The following ZFYVE16 variants were observed in gnomAD, a reference collection of about 807,000 sequenced individuals.
The protein encoded by ZFYVE16 is zinc finger FYVE domain-containing protein 16.
A neutral mutation model predicts 138.1 loss-of-function variants in ZFYVE16; 89 were observed. That is an observed-to-expected ratio of 0.64 (90% CI 0.54 to 0.77). ZFYVE16 has a LOEUF of 0.77. ZFYVE16 is among the 30% of genes least tolerant of loss of function. The pLI, the probability that ZFYVE16 is intolerant of heterozygous loss-of-function variation, is 0.00. For missense variants in ZFYVE16, 1,793 were observed against 1,786.7 expected (o/e 1.00, Z -0.06); for synonymous variants, 596 against 618.3 (o/e 0.96, Z 0.53).
intron 2 of ZFYVE16, among the ~76,000 whole-genome samples, chr5:80,428,488 A>T (rs1055419921): frequency 2.0e-5 from 3 of 152,218 alleles, no homozygotes; most frequent in Non-Finnish European, 4.4e-5. Flanking sequence ...AAGGTAGATA[A>T]AACCACAAAG....
At position 80,438,003 on chromosome 5, in the gene ZFYVE16, A is replaced by G. The variant is rs1447513791; in HGVS notation, c.1318A>G (p.Lys440Glu). ...ENDLLKQEKC[K>E]SILLQSLIEG... ...TGATCTTTTGAAACAGGAAAAATGT[A>G]AAAGCATACTCCTTCAGTCATTAAT... Residue 440 changes from lysine to glutamate, a missense_variant, in exon 4 of 19, where the codon AAA (lysine) becomes GAA (glutamate). Transcript: ENST00000505560. The G allele has an allele frequency of 5.6e-6, 9 of 1,613,970 alleles. No individual in the cohort carries two copies. Among genetic ancestry groups the G allele is most frequent in the Non-Finnish European group, 6.8e-6 (8 of 1,179,978 alleles).
chr5:80,429,142 A>T (rs1353812359), intron 2 of ZFYVE16, among the ~76,000 whole-genome samples: 2 of 152,228 alleles, frequency 1.3e-5, no homozygotes, highest in Non-Finnish European at 2.9e-5. Flanking sequence ...CAACTCCAAG[A>T]CACATAATTG....
intron 2 of ZFYVE16, among the ~76,000 whole-genome samples, chr5:80,432,098 T>C (rs1262342382): frequency 3.3e-5 from 5 of 152,098 alleles, no homozygotes; most frequent in South Asian, 2.1e-4. Flanking sequence ...AAAGTTCATA[T>C]GGAACCAAAA....
In ZFYVE16 at chr5:80,451,623, G is replaced by T. The variant is rs919743579; in HGVS notation, c.3521G>T (p.Cys1174Phe). The change falls in exon 11 of 19, where the codon TGT becomes TTT. Residue 1174 changes from cysteine to phenylalanine, a missense_variant. Cys to Phe is a radical substitution (Grantham distance 205). Coordinates refer to ENST00000505560, the MANE Select transcript of ZFYVE16 (RefSeq NM_001284236.3). ...DLSLPSNPFL[C>F]GILIQKLEIP... ...TCATTACCAAGTAATCCTTTTCTTTGTGGAATTCTTATCCAGAAGCTTGAG... is the reference window on the plus strand; with the variant it reads ...TCATTACCAAGTAATCCTTTTCTTTTTGGAATTCTTATCCAGAAGCTTGAG... 6 of 1,613,600 alleles carry T rather than the reference G, an allele frequency of 3.7e-6. No homozygotes were observed. The African/African-American group carries it at 8.0e-5, about 22-fold the overall frequency.
chr5:80,417,517 G>C (rs578037826), intron 1 of ZFYVE16, among the ~76,000 whole-genome samples: 7 of 152,164 alleles, frequency 4.6e-5, no homozygotes, highest in African/African-American at 1.4e-4. Flanking sequence ...TAAACCACTG[G>C]CTATCATTGG....
In ZFYVE16 at chr5:80,448,287, T is replaced by G. The variant is rs199866063; in HGVS notation, c.2986T>G (p.Ser996Ala). The change falls in exon 8 of 19, where the codon TCA becomes GCA. Residue 996 changes from serine to alanine, a missense_variant. This residue lies in a region of ZFYVE16 where 1,295 missense variants were observed against 1,204.3 expected (regional missense o/e 1.08). Transcript: ENST00000505560. ...CAGCAATTTACCTATTGCTAGTATT[T>G]CAGATTATAGGTTACTGTGTGATAT... Reference protein sequence around the residue: ...VNSNLPIASISDYRLLCDINK... With the variant: ...VNSNLPIASIADYRLLCDINK... 1 of 1,613,550 alleles carries G rather than the reference T, an allele frequency of 6.2e-7. No individual in the cohort carries two copies. Among genetic ancestry groups the G allele is most frequent in the African/African-American group, 1.3e-5 (1 of 75,048 alleles).
intron 14 of ZFYVE16, 76 bp downstream of exon 14, chr5:80,457,168 T>G (rs1752609586): frequency 2.0e-6 from 3 of 1,524,532 alleles, no homozygotes; most frequent in Non-Finnish European, 2.7e-6. Context: ...GGGAAATATA[T>G]GTATATTTAC....
At chr5:80,470,860 C>A (rs1754296402) in intron 15 of ZFYVE16, among the ~76,000 whole-genome samples, 1 of 152,028 alleles carries the variant, frequency 6.6e-6, no homozygotes, top group Non-Finnish European at 1.5e-5. Flanking sequence ...TGTAGGGAGA[C>A]CCCCTGAAAC....
intron 5 of ZFYVE16, chr5:80,441,410 C>G (rs1050217803): frequency 5.1e-6 from 5 of 985,102 alleles, no homozygotes; most frequent in Non-Finnish European, 6.0e-6. Flanking sequence ...TGTTCAAATT[C>G]TATTTTGATG....
chr5:80,408,802 T>TGACTTGTATGAAAACCAGTCC (rs1745009599), intron 1 of ZFYVE16, among the ~76,000 whole-genome samples: 1 of 152,258 alleles, frequency 6.6e-6, no homozygotes, highest in Admixed American at 6.5e-5. Context: ...CTTATTAGTT[T>TGACTTGTATGAAAACCAGTCC]GACTTGTATG....
At chr5:80,467,555 A>G (rs186168283) in intron 15 of ZFYVE16, among the ~76,000 whole-genome samples, 1 of 152,370 alleles carries the variant, frequency 6.6e-6, no homozygotes, top group Non-Finnish European at 1.5e-5. Flanking sequence ...TAGTGACTAC[A>G]TATGTATGAC....
chr5:80,414,276 C>G (rs1257332034), intron 1 of ZFYVE16, among the ~76,000 whole-genome samples: 1 of 152,212 alleles, frequency 6.6e-6, no homozygotes, highest in Non-Finnish European at 1.5e-5. Context: ...TTTGCGACAT[C>G]TTTCCTGCCT....
intron 18 of ZFYVE16, 120 bp downstream of exon 18, chr5:80,474,950 C>T: frequency 9.6e-7 from 1 of 1,037,148 alleles, no homozygotes; most frequent in Non-Finnish European, 1.4e-6. Context: ...CAAATGTGTG[C>T]TACACACTTC....
intron 18 of ZFYVE16, among the ~76,000 whole-genome samples, 199 bp downstream of exon 18, chr5:80,475,029 A>G (rs1452139094): frequency 1.3e-5 from 2 of 152,238 alleles, no homozygotes; most frequent in Non-Finnish European, 2.9e-5. Context: ...GACAGACAGT[A>G]ACTATTTTGG....
In ZFYVE16 at chr5:80,438,593, C is replaced by G. The variant is rs143351557; in HGVS notation, c.1908C>G (p.Val636=). The change falls in exon 4 of 19, where the codon GTC becomes GTG. Residue 636 remains valine, a synonymous_variant. Transcript: ENST00000505560. The part of the protein sequence containing the change: ...SKSEITNQLS[V]SDINSQSVGG... The stretch of plus-strand genomic sequence containing the variant: ...CTGAGATTACAAATCAATTATCGGT[C>G]TCTGATATTAACAGTCAATCTGTTG... 25 of 1,613,968 alleles carry G rather than the reference C, an allele frequency of 1.5e-5. No homozygotes were observed. The African/African-American group carries it at 3.2e-4, about 21-fold the overall frequency.
chr5:80,469,400 T>G (rs548527922), intron 15 of ZFYVE16, among the ~76,000 whole-genome samples: 116 of 151,904 alleles, frequency 7.6e-4, no homozygotes, highest in African/African-American at 2.7e-3. Flanking sequence ...GCCACCATGC[T>G]TGGCTAATTA....
In ZFYVE16 at chr5:80,455,552, A is replaced by G. The variant is rs77782744; in HGVS notation, c.3608-140A>G. ...TTGTCTCAAAAACAAAAAAAAAATT[A>G]TCTCTCACTTTCCCCTAAGAACTGA... On this transcript the variant is annotated intron_variant, in intron 11 of 18. Coordinates refer to ENST00000505560, the MANE Select transcript of ZFYVE16 (RefSeq NM_001284236.3). 1,831 of 710,694 alleles carry G rather than the reference A, an allele frequency of 2.6e-3. 27 individuals are homozygous for G. The African/African-American group carries it at 0.032, about 12-fold the overall frequency. The allele number at this position is 710,694 out of a possible 1,614,324, so 44.0% of individuals were successfully genotyped here.
intron 1 of ZFYVE16, among the ~76,000 whole-genome samples, chr5:80,411,006 C>T (rs917030350): frequency 3.3e-5 from 5 of 151,322 alleles, no homozygotes; most frequent in South Asian, 2.1e-4. Context: ...CTCGCTGTGT[C>T]GCCAGGCTGG....
intron 5 of ZFYVE16, chr5:80,440,922 C>A: frequency 1.0e-6 from 1 of 985,248 alleles, no homozygotes; most frequent in Non-Finnish European, 1.2e-6. Flanking sequence ...CAGCAATTCT[C>A]CAAAAAGCTC....
Sources: allele counts gnomAD v4.1 joint callset (sites outside exome capture counted in the v4.1 genomes callset), GRCh38; gene constraint gnomAD v4.1.1; regional missense constraint gnomAD v4.1.1; transcripts MANE v1.5; gene names NCBI Gene and HGNC (gene_info 2026-07-23, HGNC 2026-07-21).